PTGER2: variants seen among roughly 807,000 people sequenced by gnomAD.
PTGER2 encodes the protein prostaglandin E receptor 2.
In PTGER2, 22 loss-of-function variants were observed where a neutral mutation model predicts 26.2. That is an observed-to-expected ratio of 0.84 (90% CI 0.60 to 1.20). The LOEUF (loss-of-function observed/expected upper bound fraction) is 1.20. PTGER2 is among the 50% of genes most tolerant of loss of function. The pLI is 0.00. For synonymous variants in PTGER2, 219 were observed against 208.9 expected (o/e 1.05, Z -0.42); for missense variants, 458 against 475.2 (o/e 0.96, Z 0.34).
At chr14:52,321,721 T>A (rs1160889802) in intron 1 of PTGER2, among the ~76,000 whole-genome samples, 3 of 152,218 alleles carry the variant, frequency 2.0e-5, no homozygotes, top group Non-Finnish European at 4.4e-5. Flanking sequence ...ATAGGAATAA[T>A]AATACTTCGT....
At chr14:52,316,854 C>G (rs1287310362) in intron 1 of PTGER2, among the ~76,000 whole-genome samples, 1 of 152,176 alleles carries the variant, frequency 6.6e-6, no homozygotes, top group African/African-American at 2.4e-5. Flanking sequence ...CAAAGACGCC[C>G]TCTTATAAAA....
At chr14:52,325,764 A>G (rs1055006686) in intron 1 of PTGER2, among the ~76,000 whole-genome samples, 2 of 152,132 alleles carry the variant, frequency 1.3e-5, no homozygotes, top group African/African-American at 2.4e-5. Context: ...TCCATTCCCT[A>G]TGCCAAGATT....
chr14:52,321,231 A>G (rs1429287434), intron 1 of PTGER2, among the ~76,000 whole-genome samples: 1 of 148,350 alleles, frequency 6.7e-6, no homozygotes, highest in African/African-American at 2.5e-5. Context: ...TTAAAGCATC[A>G]TATACCTGAA....
chr14:52,326,476 A>G (rs946372231), intron 1 of PTGER2, among the ~76,000 whole-genome samples: 1 of 152,206 alleles, frequency 6.6e-6, no homozygotes, highest in African/African-American at 2.4e-5. Context: ...ATCACTTCCT[A>G]TCATCCTTTC....
chr14:52,327,652 A>C lies in PTGER2; in HGVS notation c.*198A>C. 1 of 538,388 alleles carries C rather than the reference A, an allele frequency of 1.9e-6. No individual in the cohort carries two copies. The highest frequency in any genetic ancestry group is 3.2e-6 in the Non-Finnish European group (1 of 307,940). The allele number at this position is 538,388 out of a possible 1,614,324, so 33.4% of individuals were successfully genotyped here. A position where few individuals can be genotyped will look rare whatever the true frequency, so the allele number is the denominator to read the frequency against. On this transcript the variant is annotated 3_prime_UTR_variant, in exon 2 of 2. Transcript: ENST00000245457. ...GTAAAGTGTCAGAAGGAGCTACAAA[A>C]CCTACCCTCAGTGAGCATGGTACTT...
Position 52,321,470 on chromosome 14 carries a change from TTTTGAAGAGAAATC to T in PTGER2, c.844-5735_844-5722del, listed in dbSNP as rs1001412916. Among the ~76,000 whole-genome samples the T allele has an allele frequency of 1.5e-3, 221 of 152,310 alleles. 1 individual carries two copies. Among genetic ancestry groups the T allele is most frequent in the African/African-American group, 5.1e-3 (214 of 41,568 alleles). ...AACAGGAACCATGATATCCATAAAC[TTTTGAAGAGAAATC>T]TTTGAAGAGAAATCTCCTCCAAACC... is the stretch of plus-strand genomic sequence containing the variant. On this transcript the variant is annotated intron_variant, in intron 1 of 1. Transcript: ENST00000245457.
intron 1 of PTGER2, among the ~76,000 whole-genome samples, chr14:52,318,296 C>T (rs2033861355): frequency 6.6e-6 from 1 of 152,156 alleles, no homozygotes; most frequent in Non-Finnish European, 1.5e-5. Flanking sequence ...TGCACATGAT[C>T]TGATAGAAAT....
At chr14:52,320,781 C>A (rs1234825225) in intron 1 of PTGER2, among the ~76,000 whole-genome samples, 3 of 152,144 alleles carry the variant, frequency 2.0e-5, no homozygotes. Flanking sequence ...TAACAGAAAA[C>A]TAAACCTAAG....
chr14:52,326,581 A>G (rs708500), intron 1 of PTGER2, among the ~76,000 whole-genome samples: 142,838 of 152,170 alleles, frequency 0.94, 67,464 homozygotes, highest in Non-Finnish European at 1. Context: ...CTTGCCATTG[A>G]TCTCAAACTA....
intron 1 of PTGER2, among the ~76,000 whole-genome samples, chr14:52,322,513 G>A (rs939493690): frequency 4.6e-5 from 7 of 152,142 alleles, no homozygotes; most frequent in African/African-American, 7.2e-5. Flanking sequence ...AGTGGTGCAC[G>A]TATTGTCTTG....
intron 1 of PTGER2, among the ~76,000 whole-genome samples, chr14:52,321,175 T>C (rs2033891133): frequency 2.0e-5 from 3 of 152,178 alleles, no homozygotes; most frequent in Admixed American, 1.3e-4. Context: ...TAGGCTTCTG[T>C]TTCCCTCTAC....
chr14:52,315,126 G>A lies in PTGER2; in HGVS notation c.578G>A (p.Arg193Gln), dbSNP rs2033822985. ...PGTWCFIRHGRTAYLQLYATL... is the reference protein window; with the variant it reads ...PGTWCFIRHGQTAYLQLYATL... ...ACCTGGTGCTTCATCCGGCACGGGC[G>A]GACCGCTTACCTGCAGCTGTACGCC... The change falls in exon 1 of 2, where the codon CGG becomes CAG. Residue 193 changes from arginine (R) to glutamine (Q), a missense_variant. Physicochemically the swap from Arg to Gln is conservative, Grantham distance 43 (BLOSUM62 1). Transcript: ENST00000245457. The A allele has an allele frequency of 6.2e-7, 1 of 1,609,464 alleles. No individual in the cohort carries two copies. The highest frequency in any genetic ancestry group is 8.5e-7 in the Non-Finnish European group (1 of 1,179,912).
chr14:52,314,753 G>T lies in PTGER2; in HGVS notation c.205G>T (p.Val69Leu). 6.2e-7 allele frequency: 1 copy of T among 1,602,680 alleles called. No homozygotes were observed. ...CAGGAGCTCCCTCTCCTTGTTCCAC[G>T]TGCTGGTGACCGAGCTGGTGTTCAC... ...GRRSSLSLFH[V>L]LVTELVFTDL... The change falls in exon 1 of 2, where the codon GTG becomes TTG. Residue 69 changes from valine (V) to leucine (L), a missense_variant. Transcript: ENST00000245457. This position sits in a 1 kb window ranked among gnomAD's most constrained non-coding sequence, Gnocchi z 5.7.
rs760174739 is a variant in PTGER2 at position 52,314,321 on chromosome 14, C to T, written c.-228C>T. ...CCCGGCCTTGGCCGGCGCGGGTAGGCGCGGGAGCCTCGAGCGCCGCTCGGA... is the reference window on the plus strand; with the variant it reads ...CCCGGCCTTGGCCGGCGCGGGTAGGTGCGGGAGCCTCGAGCGCCGCTCGGA... On this transcript the variant is annotated 5_prime_UTR_variant, in exon 1 of 2. Coordinates refer to ENST00000245457, the MANE Select transcript of PTGER2 (RefSeq NM_000956.4). This position sits in a 1 kb window ranked among gnomAD's most constrained non-coding sequence, Gnocchi z 5.7. 3.6e-4 allele frequency: 134 copies of T among 377,114 alleles called. No homozygotes were observed. Among genetic ancestry groups the T allele is most frequent in the Non-Finnish European group, 4.4e-4 (98 of 222,802 alleles). 23.4% of individuals were successfully genotyped at this position (377,114 alleles called of 1,614,324 possible).
At chr14:52,318,761 C>G (rs911967736) in intron 1 of PTGER2, among the ~76,000 whole-genome samples, 18 of 152,184 alleles carry the variant, frequency 1.2e-4, no homozygotes, top group African/African-American at 4.1e-4. Flanking sequence ...ACTGCTTCCT[C>G]CAAAGATGCC....
chr14:52,315,077 C>A lies in PTGER2; in HGVS notation c.529C>A (p.Gln177Lys), dbSNP rs1365292861. ...CTCGCTGCCGCTGCTGGACTATGGG[C>A]AGTACGTCCAGTACTGCCCCGGGAC... ...FCSLPLLDYG[Q>K]YVQYCPGTWC... The change falls in exon 1 of 2, where the codon CAG (glutamine) becomes AAG (lysine). Residue 177 changes from glutamine to lysine, a missense_variant. Gln to Lys is a moderately conservative substitution (Grantham distance 53). Transcript: ENST00000245457. 2 of 1,611,126 alleles carry A rather than the reference C, an allele frequency of 1.2e-6. No homozygotes were observed. Among genetic ancestry groups the A allele is most frequent in the Non-Finnish European group, 1.7e-6 (2 of 1,179,802 alleles).
chr14:52,321,216 C>A (rs1254595), intron 1 of PTGER2, among the ~76,000 whole-genome samples: 2 of 152,096 alleles, frequency 1.3e-5, no homozygotes, highest in Non-Finnish European at 2.9e-5. Context: ...GGCAAAGGGA[C>A]TTCTTTAAAG....
intron 1 of PTGER2, among the ~76,000 whole-genome samples, chr14:52,324,719 A>G (rs1441182433): frequency 6.6e-6 from 1 of 152,266 alleles, no homozygotes; most frequent in Non-Finnish European, 1.5e-5. Flanking sequence ...CCCAGTATCC[A>G]TAAGATCAAA....
Position 52,314,530 on chromosome 14 carries a change from C to G in PTGER2, c.-19C>G. 6.8e-7 allele frequency: 1 copy of G among 1,475,322 alleles called. No individual in the cohort carries two copies. Among genetic ancestry groups the G allele is most frequent in the Non-Finnish European group, 9.0e-7 (1 of 1,114,292 alleles). 91.4% of individuals were successfully genotyped at this position (1,475,322 alleles called of 1,614,324 possible). On this transcript the variant is annotated 5_prime_UTR_variant, in exon 1 of 2. Coordinates refer to ENST00000245457, the MANE Select transcript of PTGER2 (RefSeq NM_000956.4). The surrounding 1 kb of genome is among the most constrained non-coding windows in gnomAD (Gnocchi z 5.7). ...AAGGCCGGGAGAGGAGGGCGCATCT[C>G]TTTTCCAGGCACCCCACCATGGGCA...
Sources: allele counts gnomAD v4.1 joint callset (sites outside exome capture counted in the v4.1 genomes callset), GRCh38; gene constraint gnomAD v4.1.1; non-coding constraint Gnocchi (gnomAD v3.1); transcripts MANE v1.5; gene names NCBI Gene and HGNC (gene_info 2026-07-23, HGNC 2026-07-21).